Variants in KDM1B observed in about 807,000 individuals in gnomAD.
KDM1B encodes lysine-specific histone demethylase 2.
A neutral mutation model predicts 107.4 loss-of-function variants in KDM1B; 63 were observed. That is an observed-to-expected ratio of 0.59 (90% confidence interval 0.48 to 0.72). KDM1B has a LOEUF of 0.72. Among genes scored for constraint, KDM1B ranks in the 30% least tolerant of loss-of-function variants. KDM1B has a pLI of 0.00. For missense variants in KDM1B, 749 were observed against 1,020.8 expected (o/e 0.73, Z 3.63); for synonymous variants, 363 against 363.9 (o/e 1.00, Z 0.03).
chr6:18,165,089 G>C (rs1785206820), intron 5 of KDM1B, among the ~76,000 whole-genome samples: 1 of 148,910 alleles, frequency 6.7e-6, no homozygotes, highest in Admixed American at 6.7e-5. Context: ...TTTCCATATG[G>C]TGCATTTTAT....
chr6:18,162,481 G>A lies in KDM1B; in HGVS notation c.216-354G>A, dbSNP rs1040830886. 6.6e-6 allele frequency among the ~76,000 whole-genome samples: 1 copy of A among 152,024 alleles called. No individual in the cohort carries two copies. The highest frequency in any genetic ancestry group is 1.5e-5 in the Non-Finnish European group (1 of 68,018). Reference sequence around the variant, plus strand: ...AGATTTCAGCTGACCAGATTCCCTCGCTGTTCAGTACTGGGCCCCACGTTA... The same window carrying A: ...AGATTTCAGCTGACCAGATTCCCTCACTGTTCAGTACTGGGCCCCACGTTA... On this transcript the variant is annotated intron_variant, in intron 4 of 21. Coordinates refer to ENST00000650836, the MANE Select transcript of KDM1B (RefSeq NM_001364614.2). The surrounding 1 kb of genome is among the most constrained non-coding windows in gnomAD (Gnocchi z 4.1).
intron 12 of KDM1B, among the ~76,000 whole-genome samples, chr6:18,199,278 G>A (rs1787878492): frequency 6.6e-6 from 1 of 152,114 alleles, no homozygotes; most frequent in African/African-American, 2.4e-5. Flanking sequence ...TAGAGAAAGT[G>A]AAGAATGTAA....
intron 7 of KDM1B, among the ~76,000 whole-genome samples, chr6:18,184,874 T>C (rs1012783542): frequency 8.0e-5 from 12 of 150,772 alleles, no homozygotes; most frequent in African/African-American, 2.9e-4. Context: ...TAGTTGGAAG[T>C]ACAGGCATGC....
At chr6:18,219,040 C>G (rs1275815294) in intron 21 of KDM1B, among the ~76,000 whole-genome samples, 1 of 152,032 alleles carries the variant, frequency 6.6e-6, no homozygotes, top group Non-Finnish European at 1.5e-5. Flanking sequence ...ATAGCTGGGA[C>G]CACAGGCGCC....
chr6:18,213,873 C>A lies in KDM1B; in HGVS notation c.2109+92C>A, dbSNP rs1338749579. 1 of 1,390,748 alleles carries A rather than the reference C, an allele frequency of 7.2e-7. No homozygotes were observed. Among genetic ancestry groups the A allele is most frequent in the Non-Finnish European group, 1.0e-6 (1 of 987,944 alleles). 86.2% of individuals were successfully genotyped at this position (1,390,748 alleles called of 1,614,324 possible). A position where few individuals can be genotyped will look rare whatever the true frequency, so the allele number is the denominator to read the frequency against. On this transcript the variant is annotated intron_variant, in intron 19 of 21. Transcript: ENST00000650836. This position sits in a 1 kb window ranked among gnomAD's most constrained non-coding sequence, Gnocchi z 5.9. ...CTCACCTATCAAGCTCAGGAACTAA[C>A]GAACATCATGGAGACCCTGGGTCTA...
intron 21 of KDM1B, among the ~76,000 whole-genome samples, chr6:18,221,398 C>T (rs574818563): frequency 1.3e-5 from 2 of 152,316 alleles, no homozygotes; most frequent in African/African-American, 4.8e-5. Context: ...GAGTGAGGTT[C>T]TCCTATTATT....
At position 18,198,876 on chromosome 6, in the gene KDM1B, A is replaced by AC. The variant is rs529471536; in HGVS notation, c.1221+1216dup. ...GCCTTCCTCTTATACTAAAAAAAAA[A>AC]CTAGAAATGGGCTGGGCACAGTGGC... On this transcript the variant is annotated intron_variant, in intron 12 of 21. Coordinates refer to ENST00000650836, the MANE Select transcript of KDM1B (RefSeq NM_001364614.2). Among the ~76,000 whole-genome samples the AC allele has an allele frequency of 1.7e-3, 254 of 151,224 alleles. 1 individual carries two copies. The highest frequency in any genetic ancestry group is 5.4e-3 in the African/African-American group (225 of 41,350).
At chr6:18,193,298 C>CT (rs61133563) in intron 10 of KDM1B, among the ~76,000 whole-genome samples, 3,561 of 89,980 alleles carry the variant, frequency 0.04, 100 homozygotes, top group African/African-American at 0.057. Flanking sequence ...TGTGTGCTTT[C>CT]TTTTTTTTTT....
intron 2 of KDM1B, among the ~76,000 whole-genome samples, chr6:18,157,065 T>C (rs1784660113): frequency 6.6e-6 from 1 of 152,208 alleles, no homozygotes; most frequent in Non-Finnish European, 1.5e-5. Context: ...AGCCAAATTT[T>C]AAATGCTTGA....
rs533325234 is a variant in KDM1B at position 18,200,324 on chromosome 6, T to G, written c.1222-115T>G. 12 of 1,062,096 alleles carry G rather than the reference T, an allele frequency of 1.1e-5. No homozygotes were observed. The South Asian group carries it at 1.9e-4, about 17-fold the overall frequency. The allele number at this position is 1,062,096 out of a possible 1,614,324, so 65.8% of individuals were successfully genotyped here. On this transcript the variant is annotated intron_variant, in intron 12 of 21. Coordinates refer to ENST00000650836, the MANE Select transcript of KDM1B (RefSeq NM_001364614.2). The surrounding 1 kb of genome is among the most constrained non-coding windows in gnomAD (Gnocchi z 4.3). ...TTTAAAGTTGTTTTTTTAGAAATAT[T>G]TGGAATTAACCAAATATAGAGGCTA...
chr6:18,160,627 A>G (rs1329773745), intron 3 of KDM1B, among the ~76,000 whole-genome samples: 1 of 151,744 alleles, frequency 6.6e-6, no homozygotes, highest in African/African-American at 2.4e-5. Context: ...AGTCTCAGCT[A>G]CTCGGGAGGC....
chr6:18,157,666 A>G (rs1464140177), intron 2 of KDM1B, among the ~76,000 whole-genome samples: 1 of 151,144 alleles, frequency 6.6e-6, no homozygotes, highest in African/African-American at 2.4e-5. Flanking sequence ...TATTTTATAT[A>G]TAAATGAAGA....
Position 18,166,239 on chromosome 6 carries a change from CGATATATTAATT to C in KDM1B, c.306-27_306-16del. The C allele has an allele frequency of 9.6e-7, 1 of 1,038,462 alleles. No individual in the cohort carries two copies. Among genetic ancestry groups the C allele is most frequent in the Middle Eastern group, 2.0e-4 (1 of 4,966 alleles). The allele number at this position is 1,038,462 out of a possible 1,614,324, so 64.3% of individuals were successfully genotyped here. A position where few individuals can be genotyped will look rare whatever the true frequency, so the allele number is the denominator to read the frequency against. ...TGCTTATAGCAATCGATATATTAAT[CGATATATTAATT>C]TTTCTTGTTTTTCAGCCATAAGGAT... On this transcript the variant is annotated splice_polypyrimidine_tract_variant and intron_variant, in intron 5 of 21. Coordinates refer to ENST00000650836, the MANE Select transcript of KDM1B (RefSeq NM_001364614.2).
chr6:18,217,750 A>G lies in KDM1B; in HGVS notation c.2250A>G (p.Thr750=), dbSNP rs1421672447. The change falls in exon 21 of 22, where the codon ACA becomes ACG. Residue 750 remains threonine, a synonymous_variant. Transcript: ENST00000650836. ...LFKEQEVPDP[T]KYFVTRWSTD... is the part of the protein sequence containing the mutation. The stretch of plus-strand genomic sequence containing the variant: ...GGACATAGGAGGTCCCAGATCCCAC[A>G]AAGTATTTTGTCACTCGGTGGAGCA... 2 of 1,611,828 alleles carry G rather than the reference A, an allele frequency of 1.2e-6. No individual in the cohort carries two copies. The highest frequency in any genetic ancestry group is 1.7e-5 in the Admixed American group (1 of 59,320).
rs1788286743 is a variant in KDM1B, at chr6:18,205,131, G to A, written c.1532-406G>A. ...ATGTTGTAAGCATTGACTTTAAGGT[G>A]ATGGCAGCAGGACCAGAAAGAGAAT... On this transcript the variant is annotated intron_variant, in intron 14 of 21. Coordinates refer to ENST00000650836, the MANE Select transcript of KDM1B (RefSeq NM_001364614.2). The surrounding 1 kb of genome is among the most constrained non-coding windows in gnomAD (Gnocchi z 5.7). 6.6e-6 allele frequency among the ~76,000 whole-genome samples: 1 copy of A among 152,146 alleles called. No homozygotes were observed. Among genetic ancestry groups the A allele is most frequent in the Non-Finnish European group, 1.5e-5 (1 of 68,020 alleles).
intron 17 of KDM1B, among the ~76,000 whole-genome samples, chr6:18,208,592 A>AGTATGT: frequency 1.3e-5 from 1 of 75,490 alleles, no homozygotes; most frequent in Non-Finnish European, 2.5e-5. Context: ...GTTAAATAGA[A>AGTATGT]GTATGTGTAT....
intron 7 of KDM1B, among the ~76,000 whole-genome samples, chr6:18,177,578 T>A (rs917238016): frequency 2.6e-5 from 4 of 152,032 alleles, no homozygotes; most frequent in South Asian, 2.1e-4. Flanking sequence ...TTTTTAATTT[T>A]AAAAATTTTC....
intron 2 of KDM1B, among the ~76,000 whole-genome samples, chr6:18,157,782 G>C (rs1300712271): frequency 6.7e-6 from 1 of 149,806 alleles, no homozygotes; most frequent in African/African-American, 2.5e-5. Context: ...GCCTTCTTTG[G>C]GTATAACAAT....
chr6:18,209,774 G>C lies in KDM1B; in HGVS notation c.1866+1568G>C, dbSNP rs2151011524. ...AGGCATGCACCACCATGCCCGGCTA[G>C]TCATGTTTTTAAAGCTTCTCAAGTG... On this transcript the variant is annotated intron_variant, in intron 17 of 21. Transcript: ENST00000650836. This position sits in a 1 kb window ranked among gnomAD's most constrained non-coding sequence, Gnocchi z 4.3. Among the ~76,000 whole-genome samples, 1 of 152,268 alleles carries C rather than the reference G, an allele frequency of 6.6e-6. No homozygotes were observed. Among genetic ancestry groups the C allele is most frequent in the Non-Finnish European group, 1.5e-5 (1 of 68,018 alleles).
Sources: allele counts gnomAD v4.1 joint callset (sites outside exome capture counted in the v4.1 genomes callset), GRCh38; gene constraint gnomAD v4.1.1; non-coding constraint Gnocchi (gnomAD v3.1); transcripts MANE v1.5; gene names NCBI Gene and HGNC (gene_info 2026-07-23, HGNC 2026-07-21).